The following SLCO6A1 variants were observed in gnomAD, a reference collection of about 807,000 sequenced individuals.
SLCO6A1 encodes cancer/testis antigen 48.
SLCO6A1 carries 65 observed loss-of-function variants against 72.7 expected under a neutral mutation model. The ratio of observed to expected loss-of-function variants is 0.89; its 90% CI spans 0.73 to 1.10. The LOEUF is 1.10. Among genes scored for constraint, SLCO6A1 ranks in the 50% least tolerant of loss-of-function variants. The pLI is 0.00. For synonymous variants in SLCO6A1, 314 were observed against 298.2 expected, an observed-to-expected ratio of 1.05 and a Z score of -0.55; for missense variants, 874 against 872.6, an observed-to-expected ratio of 1.00 and a Z score of -0.02.
intron 7 of SLCO6A1, among the ~76,000 whole-genome samples, chr5:102,431,170 T>C (rs574050205): frequency 4.0e-5 from 6 of 150,922 alleles, no homozygotes; most frequent in Non-Finnish European, 7.4e-5. Flanking sequence ...TTGTGTTTAT[T>C]TGGATCTTCT....
intron 9 of SLCO6A1, among the ~76,000 whole-genome samples, chr5:102,400,696 GA>G (rs1019532039): frequency 1.4e-4 from 22 of 152,068 alleles, no homozygotes; most frequent in Middle Eastern, 3.4e-3. Context: ...TTTTACTAGT[GA>G]AAAAATAAGA....
At chr5:102,481,414 C>T (rs1752187620) in intron 1 of SLCO6A1, among the ~76,000 whole-genome samples, 2 of 152,138 alleles carry the variant, frequency 1.3e-5, no homozygotes, top group South Asian at 4.1e-4. Context: ...GATGCCAAAA[C>T]CACCAGAAAC....
At chr5:102,467,247 T>A (rs1751357280) in intron 4 of SLCO6A1, among the ~76,000 whole-genome samples, 1 of 152,022 alleles carries the variant, frequency 6.6e-6, no homozygotes, top group South Asian at 2.1e-4. Context: ...GTAAACCTCG[T>A]CTTTACCAAA....
chr5:102,437,302 T>G (rs1225321143), intron 7 of SLCO6A1, among the ~76,000 whole-genome samples: 1 of 152,178 alleles, frequency 6.6e-6, no homozygotes, highest in African/African-American at 2.4e-5. Context: ...TAATGTATTC[T>G]GTTATACTTT....
At position 102,417,906 on chromosome 5, in the gene SLCO6A1, A is replaced by G. The variant is rs546269644; in HGVS notation, c.1472+1920T>C. Reference sequence around the variant, plus strand: ...AGCTACTAGGAGGCTGAGGTGGCAGAATCACTTGAACCCTGAAGGTGGAGG... The same window carrying G: ...AGCTACTAGGAGGCTGAGGTGGCAGGATCACTTGAACCCTGAAGGTGGAGG... On this transcript the variant is annotated intron_variant, in intron 8 of 13. Transcript: ENST00000506729. 7.2e-5 allele frequency among the ~76,000 whole-genome samples: 11 copies of G among 152,136 alleles called. No individual in the cohort carries two copies. The East Asian group carries it at 2.1e-3, about 29-fold the overall frequency.
intron 6 of SLCO6A1, among the ~76,000 whole-genome samples, chr5:102,439,131 T>G (rs1425812132): frequency 6.6e-6 from 1 of 151,904 alleles, no homozygotes; most frequent in Non-Finnish European, 1.5e-5. Flanking sequence ...TCTCTACTTA[T>G]TTTTTTAAGC....
chr5:102,456,159 G>A (rs1750701964), intron 6 of SLCO6A1, among the ~76,000 whole-genome samples: 1 of 152,088 alleles, frequency 6.6e-6, no homozygotes, highest in Non-Finnish European at 1.5e-5. Context: ...ATACTGAATG[G>A]GCAAAAACTG....
chr5:102,411,461 C>T lies in SLCO6A1; in HGVS notation c.1626+1529G>A, dbSNP rs772483776. ...TGTATGTTTTGTAGAGACAGGGTTT[C>T]GCCATGTTGCCCAGGCTGGTCCCCA... is the stretch of plus-strand genomic sequence containing the variant. On this transcript the variant is annotated intron_variant, in intron 9 of 13. Transcript: ENST00000506729. Among the ~76,000 whole-genome samples, 6 of 152,012 alleles carry T rather than the reference C, an allele frequency of 3.9e-5. No homozygotes were observed. In the East Asian group the frequency reaches 7.7e-4, roughly 20 times the overall value.
chr5:102,445,072 C>T (rs1750034905), intron 6 of SLCO6A1, among the ~76,000 whole-genome samples: 1 of 151,970 alleles, frequency 6.6e-6, no homozygotes, highest in Non-Finnish European at 1.5e-5. Context: ...ATTTATATTC[C>T]TTTGGGTTTA....
At position 102,459,784 on chromosome 5, in the gene SLCO6A1, T is replaced by G. The variant is rs771945001; in HGVS notation, c.900-7A>C. 1 of 1,548,358 alleles carries G rather than the reference T, an allele frequency of 6.5e-7. No homozygotes were observed. Among genetic ancestry groups the G allele is most frequent in the African/African-American group, 1.4e-5 (1 of 69,692 alleles). On this transcript the variant is annotated splice_polypyrimidine_tract_variant and splice_region_variant and intron_variant, in intron 4 of 13. Transcript: ENST00000506729. ...ACCATTATTGACTGTAGTGCTTTAA[T>G]AAAGAAAAGTGAAAAAAAAAAGCAA...
In SLCO6A1 at chr5:102,498,879, G is replaced by T. The variant is rs369156032; in HGVS notation, c.-35C>A. On this transcript the variant is annotated 5_prime_UTR_variant, in exon 1 of 14. Coordinates refer to ENST00000506729, the MANE Select transcript of SLCO6A1 (RefSeq NM_173488.5). ...TGGGCGGCTCCTGGCGACGCGGCCC[G>T]AGTGCTCTCGGCTGCCCGTCCTGCC... The T allele has an allele frequency of 6.4e-7, 1 of 1,561,806 alleles. No homozygotes were observed. The highest frequency in any genetic ancestry group is 8.7e-7 in the Non-Finnish European group (1 of 1,154,690).
intron 1 of SLCO6A1, among the ~76,000 whole-genome samples, chr5:102,480,889 T>A (rs1048463246): frequency 6.6e-6 from 1 of 152,224 alleles, no homozygotes; most frequent in East Asian, 1.9e-4. Flanking sequence ...CATCCTGTAT[T>A]TAAAGTTTAC....
intron 4 of SLCO6A1, among the ~76,000 whole-genome samples, chr5:102,473,434 A>G (rs556259523): frequency 1.3e-5 from 2 of 152,164 alleles, no homozygotes; most frequent in South Asian, 4.1e-4. Context: ...TTTAGGACAA[A>G]AACACTGAGA....
intron 9 of SLCO6A1, among the ~76,000 whole-genome samples, chr5:102,410,211 A>C (rs1747898972): frequency 6.6e-6 from 1 of 152,072 alleles, no homozygotes; most frequent in Non-Finnish European, 1.5e-5. Flanking sequence ...TTCAGCTCTC[A>C]GCAGAGAGGA....
Position 102,434,664 on chromosome 5 carries a change from C to T in SLCO6A1, c.1276+3953G>A, listed in dbSNP as rs933642443. 2.0e-5 allele frequency among the ~76,000 whole-genome samples: 3 copies of T among 152,110 alleles called. No individual in the cohort carries two copies. In the East Asian group the frequency reaches 5.8e-4, roughly 29 times the overall value. On this transcript the variant is annotated intron_variant, in intron 7 of 13. Coordinates refer to ENST00000506729, the MANE Select transcript of SLCO6A1 (RefSeq NM_173488.5). ...AACAACGATGGGATGCTAACAGAGA[C>T]GTGGCTTTCTGTAGCTGCAAGCTGA...
intron 4 of SLCO6A1, among the ~76,000 whole-genome samples, chr5:102,461,706 A>G (rs1751047691): frequency 6.6e-6 from 1 of 152,160 alleles, no homozygotes; most frequent in South Asian, 2.1e-4. Context: ...GCAATTAGAT[A>G]TCCTGTTGAA....
At chr5:102,415,714 A>T (rs1748246317) in intron 8 of SLCO6A1, among the ~76,000 whole-genome samples, 1 of 152,156 alleles carries the variant, frequency 6.6e-6, no homozygotes, top group African/African-American at 2.4e-5. Context: ...AATGGGACTT[A>T]ATTAAACTAA....
At chr5:102,459,298 T>C (rs1750900144) in intron 5 of SLCO6A1, among the ~76,000 whole-genome samples, 1 of 152,116 alleles carries the variant, frequency 6.6e-6, no homozygotes, top group Admixed American at 6.6e-5. Context: ...CATGCACCTG[T>C]AGTCCAATTC....
chr5:102,487,927 G>A (rs1357988266), intron 1 of SLCO6A1, among the ~76,000 whole-genome samples: 1 of 152,102 alleles, frequency 6.6e-6, no homozygotes, highest in Non-Finnish European at 1.5e-5. Context: ...CAAGACCAAG[G>A]CAGAATCTAA....
Sources: allele counts gnomAD v4.1 joint callset (sites outside exome capture counted in the v4.1 genomes callset), GRCh38; gene constraint gnomAD v4.1.1; transcripts MANE v1.5; gene names NCBI Gene and HGNC (gene_info 2026-07-23, HGNC 2026-07-21).